TRERF1: variants seen among roughly 807,000 people sequenced by gnomAD.
TRERF1 encodes the protein transcriptional regulating factor 1.
In TRERF1, 27 loss-of-function variants were observed where a neutral mutation model predicts 122.9. The ratio of observed to expected loss-of-function variants is 0.22; its 90% CI spans 0.16 to 0.30. The LOEUF (loss-of-function observed/expected upper bound fraction) is 0.30. Ranked by LOEUF, TRERF1 falls within the 10% of genes least tolerant of loss-of-function variation. The probability of loss-of-function intolerance (pLI) is 1.00; values close to 1 mark genes in which losing one functional copy is unlikely to be tolerated. For synonymous variants in TRERF1, 636 were observed against 641.7 expected (o/e 0.99, Z 0.13); for missense variants, 1,248 against 1,560.3 (o/e 0.80, Z 3.37).
intron 2 of TRERF1, among the ~76,000 whole-genome samples, chr6:42,407,964 C>T (rs1192677899): frequency 6.6e-6 from 1 of 151,204 alleles, no homozygotes; most frequent in Non-Finnish European, 1.5e-5. Context: ...CAGCATTTGC[C>T]TAACTATTCC....
At chr6:42,443,690 C>T (rs544289460) in intron 2 of TRERF1, among the ~76,000 whole-genome samples, 40 of 152,282 alleles carry the variant, frequency 2.6e-4, no homozygotes, top group African/African-American at 9.4e-4. Flanking sequence ...CACTGCCCAG[C>T]CAGCATTTCT....
intron 3 of TRERF1, among the ~76,000 whole-genome samples, chr6:42,348,122 T>C (rs193039648): frequency 6.6e-6 from 1 of 152,350 alleles, no homozygotes; most frequent in East Asian, 1.9e-4. Flanking sequence ...GTCCACACTA[T>C]GAAGGTGGGG....
At chr6:42,340,440 C>T (rs1767037377) in intron 3 of TRERF1, among the ~76,000 whole-genome samples, 1 of 152,136 alleles carries the variant, frequency 6.6e-6, no homozygotes, top group Admixed American at 6.5e-5. Flanking sequence ...CCATGTTCAA[C>T]GTCTACTTAT....
intron 2 of TRERF1, among the ~76,000 whole-genome samples, chr6:42,443,441 A>G (rs1240092614): frequency 6.6e-6 from 1 of 152,240 alleles, no homozygotes; most frequent in African/African-American, 2.4e-5. Flanking sequence ...AGGGCTAATG[A>G]CTGCTTTTAG....
At chr6:42,230,931 G>C (rs1252814011) in intron 17 of TRERF1, among the ~76,000 whole-genome samples, 2 of 152,232 alleles carry the variant, frequency 1.3e-5, no homozygotes, top group African/African-American at 4.8e-5. Context: ...AACTGCAACA[G>C]GGGCTTCACT....
intron 11 of TRERF1, 30 bp from the exon 12 acceptor site, chr6:42,256,861 C>T (rs757465749): frequency 6.2e-7 from 1 of 1,613,374 alleles, no homozygotes; most frequent in Admixed American, 1.7e-5. Flanking sequence ...GCCAATGCAT[C>T]AGAGAGAGCT....
intron 2 of TRERF1, among the ~76,000 whole-genome samples, chr6:42,401,419 A>G (rs567246111): frequency 7.2e-5 from 11 of 152,302 alleles, no homozygotes; most frequent in Middle Eastern, 3.4e-3. Flanking sequence ...TACTTTAAAT[A>G]TCTCATCAAA....
At chr6:42,419,686 T>C (rs538322138) in intron 2 of TRERF1, among the ~76,000 whole-genome samples, 1 of 152,220 alleles carries the variant, frequency 6.6e-6, no homozygotes, top group East Asian at 1.9e-4. Flanking sequence ...GAATGTCCTA[T>C]ACTTGGGCCC....
At chr6:42,386,236 G>A (rs1039866) in intron 2 of TRERF1, among the ~76,000 whole-genome samples, 31,779 of 152,060 alleles carry the variant, frequency 0.21, 4,431 homozygotes, top group Non-Finnish European at 0.32. Flanking sequence ...GTTTTGCCAT[G>A]TTATCAGTTC....
intron 2 of TRERF1, among the ~76,000 whole-genome samples, chr6:42,437,856 G>A (rs929580674): frequency 2.6e-5 from 4 of 152,108 alleles, no homozygotes; most frequent in African/African-American, 9.7e-5. Context: ...GGGTTAAAGG[G>A]GGAACAGACC....
At chr6:42,381,241 G>A (rs890870175) in intron 2 of TRERF1, among the ~76,000 whole-genome samples, 7 of 151,728 alleles carry the variant, frequency 4.6e-5, no homozygotes, top group African/African-American at 1.7e-4. Context: ...CAAGCTCCCC[G>A]GAGACAGGGT....
chr6:42,301,798 T>C (rs1561944592), intron 3 of TRERF1, among the ~76,000 whole-genome samples: 1 of 152,246 alleles, frequency 6.6e-6, no homozygotes, highest in Non-Finnish European at 1.5e-5. Context: ...AGCATTGCTA[T>C]AGTAGAGACT....
At position 42,268,092 on chromosome 6, in the gene TRERF1, C is replaced by T; in HGVS notation, c.1437+62G>A. On this transcript the variant is annotated intron_variant, in intron 5 of 17. Coordinates refer to ENST00000372922, the Ensembl canonical transcript of TRERF1. This position sits in a 1 kb window ranked among gnomAD's most constrained non-coding sequence, Gnocchi z 4.4. ...GGCTTGGAGAGAGGATTGAGCACTG[C>T]AGACTCAGCCCTGACCCTGTAGCAC... The T allele has an allele frequency of 7.2e-7, 1 of 1,386,204 alleles. No homozygotes were observed. The highest frequency in any genetic ancestry group is 9.4e-7 in the Non-Finnish European group (1 of 1,065,204). The allele number at this position is 1,386,204 out of a possible 1,614,324, so 85.9% of individuals were successfully genotyped here.
At chr6:42,242,944 A>G (rs1214619369) in intron 15 of TRERF1, among the ~76,000 whole-genome samples, 1 of 152,124 alleles carries the variant, frequency 6.6e-6, no homozygotes, top group Non-Finnish European at 1.5e-5. Flanking sequence ...CCAATCATAA[A>G]CCAACAAACC....
At chr6:42,295,251 G>C (rs1198053866) in intron 4 of TRERF1, among the ~76,000 whole-genome samples, 1 of 152,206 alleles carries the variant, frequency 6.6e-6, no homozygotes, top group Non-Finnish European at 1.5e-5. Flanking sequence ...GCTCCCAAGA[G>C]GCTGAACTTT....
At chr6:42,231,615 G>A (rs528533966) in intron 17 of TRERF1, among the ~76,000 whole-genome samples, 1 of 152,278 alleles carries the variant, frequency 6.6e-6, no homozygotes, top group South Asian at 2.1e-4. Flanking sequence ...ATGGGAAGAG[G>A]AACTCAGCAA....
chr6:42,445,071 C>A (rs536590732), intron 2 of TRERF1, among the ~76,000 whole-genome samples: 1 of 152,070 alleles, frequency 6.6e-6, no homozygotes, highest in Non-Finnish European at 1.5e-5. Context: ...GAGTTTGAGA[C>A]CAGCCTGGCC....
At chr6:42,445,906 T>C (rs932241147) in intron 2 of TRERF1, among the ~76,000 whole-genome samples, 1 of 148,320 alleles carries the variant, frequency 6.7e-6, no homozygotes, top group African/African-American at 2.4e-5. Flanking sequence ...CTTTCTTTTG[T>C]TTGTTTGTTT....
At chr6:42,264,273 C>T (rs73733136) in intron 7 of TRERF1, among the ~76,000 whole-genome samples, 2,815 of 152,240 alleles carry the variant, frequency 0.018, 98 homozygotes, top group African/African-American at 0.063. Flanking sequence ...AGCTGAACAC[C>T]ACTGCATCAG....
Sources: allele counts gnomAD v4.1 joint callset (sites outside exome capture counted in the v4.1 genomes callset), GRCh38; gene constraint gnomAD v4.1.1; non-coding constraint Gnocchi (gnomAD v3.1); transcripts MANE v1.5; gene names NCBI Gene and HGNC (gene_info 2026-07-23, HGNC 2026-07-21).